Variants in TEX2 observed in about 807,000 individuals in gnomAD.
TEX2 encodes the protein testis expressed 2.
Under a neutral mutation model 106.9 loss-of-function variants are expected in TEX2, and 53 were observed. That is an observed-to-expected ratio of 0.50 (90% confidence interval 0.40 to 0.62). TEX2 has a LOEUF of 0.62. Among genes scored for constraint, TEX2 ranks in the 20% least tolerant of loss-of-function variants. The pLI is 0.00. For missense variants in TEX2, 1,207 were observed against 1,379.0 expected (o/e 0.88, Z 1.98); for synonymous variants, 523 against 534.8 (o/e 0.98, Z 0.30).
intron 1 of TEX2, among the ~76,000 whole-genome samples, chr17:64,238,137 TAA>T (rs2033811277): frequency 6.6e-6 from 1 of 152,014 alleles, no homozygotes; most frequent in Non-Finnish European, 1.5e-5. Context: ...CCGTCTCTAC[TAA>T]AAACACAAAA....
chr17:64,206,550 CTTTTTTTTTTTT>C (rs60956243), intron 2 of TEX2, among the ~76,000 whole-genome samples: 10 of 77,196 alleles, frequency 1.3e-4, no homozygotes, highest in African/African-American at 1.1e-4. Context: ...AGAGGTCTTA[CTTTTTTTTTTTT>C]TTTTTTTTTT....
At chr17:64,234,801 A>G (rs1426119166) in intron 1 of TEX2, among the ~76,000 whole-genome samples, 4 of 152,200 alleles carry the variant, frequency 2.6e-5, no homozygotes, top group Admixed American at 2.6e-4. Context: ...AAATATTACC[A>G]CTTGTTCTCA....
chr17:64,215,907 T>G (rs12951326), intron 1 of TEX2, among the ~76,000 whole-genome samples: 1 of 152,138 alleles, frequency 6.6e-6, no homozygotes, highest in African/African-American at 2.4e-5. Context: ...TAAGGGGGTT[T>G]GGGAAACAGT....
intron 1 of TEX2, among the ~76,000 whole-genome samples, chr17:64,248,099 T>C (rs1250727062): frequency 1.3e-5 from 2 of 152,166 alleles, no homozygotes; most frequent in African/African-American, 4.8e-5. Flanking sequence ...GAACCAAGAC[T>C]GTAGTGGGAA....
rs763173601 is a variant in TEX2 at position 64,154,915 on chromosome 17, C to T, written c.2857G>A (p.Ala953Thr). 3.7e-6 allele frequency: 6 copies of T among 1,608,734 alleles called. No homozygotes were observed. The highest frequency in any genetic ancestry group is 1.1e-5 in the South Asian group (1 of 90,492). ...GCATCGTCTTCCTCGGAGGAGCCAG[C>T]GCTGGAGGATTCCTCATCGCTGTCC... Reference protein sequence around the residue: ...LADSDEESSSAGSSEEDDAPE... With the variant: ...LADSDEESSSTGSSEEDDAPE... Residue 953 changes from alanine (A) to threonine (T), a missense_variant, in exon 9 of 12, where the codon GCT (alanine) becomes ACT (threonine). Coordinates refer to ENST00000584379, the MANE Select transcript of TEX2 (RefSeq NM_001288732.2).
rs2030531168 is a variant in TEX2 at position 64,154,748 on chromosome 17, A to C, written c.2930+94T>G. 5 of 1,361,364 alleles carry C rather than the reference A, an allele frequency of 3.7e-6. No individual in the cohort carries two copies. In the South Asian group the frequency reaches 6.6e-5, roughly 18 times the overall value. 84.3% of individuals were successfully genotyped at this position (1,361,364 alleles called of 1,614,324 possible). A position where few individuals can be genotyped will look rare whatever the true frequency, so the allele number is the denominator to read the frequency against. ...TCTACTCAACATTAAAGAGGAAGGA[A>C]GATCACAGAGGAAGGAAGGGAAACA... On this transcript the variant is annotated intron_variant, in intron 9 of 11. Coordinates refer to ENST00000584379, the MANE Select transcript of TEX2 (RefSeq NM_001288732.2).
At chr17:64,241,604 C>A (rs1035703727) in intron 1 of TEX2, among the ~76,000 whole-genome samples, 2 of 152,040 alleles carry the variant, frequency 1.3e-5, no homozygotes, top group African/African-American at 2.4e-5. Context: ...AAAAGTGGGG[C>A]CTCCTCATCC....
rs1363316208 is a variant in TEX2, at chr17:64,171,083, G to C, written c.2671+17C>G. ...GGATATATTTTAACACTCATAGAAT[G>C]GTCAGTTAGGAGTTACCTTGGTGAT... On this transcript the variant is annotated intron_variant, in intron 7 of 11. Coordinates refer to ENST00000584379, the MANE Select transcript of TEX2 (RefSeq NM_001288732.2). 6.3e-7 allele frequency: 1 copy of C among 1,594,460 alleles called. No homozygotes were observed.
chr17:64,239,350 ATCT>A (rs1202616878), intron 1 of TEX2: 1 of 152,206 alleles, frequency 6.6e-6, no homozygotes, highest in Non-Finnish European at 1.5e-5. Context: ...TCTCTGCTTC[ATCT>A]TCTTAAAAGA....
chr17:64,200,596 C>T (rs1220230255), intron 2 of TEX2, among the ~76,000 whole-genome samples: 9 of 152,178 alleles, frequency 5.9e-5, no homozygotes, highest in African/African-American at 2.2e-4. Context: ...CATCCTCTAC[C>T]ACTTGCCAAA....
intron 2 of TEX2, among the ~76,000 whole-genome samples, chr17:64,202,793 C>T (rs1000735914): frequency 3.3e-5 from 5 of 152,208 alleles, no homozygotes; most frequent in African/African-American, 1.2e-4. Context: ...GCTCTCAACC[C>T]ACACTAAAGT....
chr17:64,230,952 C>G (rs1488188818), intron 1 of TEX2, among the ~76,000 whole-genome samples: 8 of 152,200 alleles, frequency 5.3e-5, no homozygotes, highest in Non-Finnish European at 1.5e-5. Context: ...AAATATTTTT[C>G]AAATAGTACT....
rs184939904 is a variant in TEX2 at position 64,251,395 on chromosome 17, T to G, written c.-26+11773A>C. 1.3e-3 allele frequency among the ~76,000 whole-genome samples: 202 copies of G among 152,334 alleles called. 1 individual carries two copies. The East Asian group carries it at 0.014, about 11-fold the overall frequency. ...ATTACTATACATTAATACAAATTTC[T>G]AATTAATATAAAGCTTAAAGCCTTC... On this transcript the variant is annotated intron_variant, in intron 1 of 11. Coordinates refer to ENST00000584379, the MANE Select transcript of TEX2 (RefSeq NM_001288732.2).
In TEX2 at chr17:64,149,074, T is replaced by A; in HGVS notation, c.3279A>T (p.Pro1093=). 6.2e-7 allele frequency: 1 copy of A among 1,613,924 alleles called. No individual in the cohort carries two copies. The highest frequency in any genetic ancestry group is 1.1e-5 in the South Asian group (1 of 91,030). ...TAGTGATATAAACATCATCCATGTT[T>A]GGCATGACAAAAACTTTCTGTAGGA... The part of the protein sequence containing the change: ...EQEFQKVFVM[P]NMDDVYITIM... Residue 1093 remains proline, a synonymous_variant, in exon 12 of 12, where the codon CCA becomes CCT. Coordinates refer to ENST00000584379, the MANE Select transcript of TEX2 (RefSeq NM_001288732.2).
chr17:64,191,817 CAAAAAAAA>C (rs58376086), intron 4 of TEX2, among the ~76,000 whole-genome samples: 4 of 119,896 alleles, frequency 3.3e-5, no homozygotes, highest in African/African-American at 1.5e-4. Flanking sequence ...GACTCCATCT[CAAAAAAAA>C]AAAAAAAAAA....
intron 4 of TEX2, 97 bp downstream of exon 4, chr17:64,193,462 G>GGGTT: frequency 5.0e-6 from 5 of 1,001,578 alleles, no homozygotes; most frequent in Non-Finnish European, 6.9e-6. Flanking sequence ...GTTCAGGGTG[G>GGGTT]GCTTCCTTCC....
intron 1 of TEX2, among the ~76,000 whole-genome samples, chr17:64,259,914 TC>T (rs1555638330): frequency 6.6e-6 from 1 of 152,222 alleles, no homozygotes; most frequent in Non-Finnish European, 1.5e-5. Context: ...ATGCTTTTTT[TC>T]CCCAGGAATG....
intron 1 of TEX2, among the ~76,000 whole-genome samples, chr17:64,233,607 C>A (rs567288178): frequency 1.3e-5 from 2 of 152,082 alleles, no homozygotes; most frequent in Admixed American, 1.3e-4. Context: ...CACATGCATA[C>A]CCAGAAAGAG....
intron 1 of TEX2, among the ~76,000 whole-genome samples, chr17:64,240,125 A>T (rs2033858440): frequency 6.6e-6 from 1 of 152,100 alleles, no homozygotes; most frequent in East Asian, 1.9e-4. Context: ...CTGATTATAC[A>T]ATGTTTAAAA....
Sources: gnomAD v4.1 joint callset for allele counts (sites outside exome capture counted in the v4.1 genomes callset) on GRCh38, gnomAD v4.1.1 for gene constraint, MANE v1.5 for transcripts, NCBI Gene and HGNC (gene_info 2026-07-23, HGNC 2026-07-21) for gene names.